Variants in MLH3 observed in about 807,000 individuals in gnomAD.
MLH3 encodes the protein mutL homolog 3.
In MLH3, 82 loss-of-function variants were observed where a neutral mutation model predicts 122.2. The observed-to-expected ratio is 0.67, with a 90% CI of 0.56 to 0.81. MLH3 has a LOEUF of 0.81. Among genes scored for constraint, MLH3 ranks in the 30% least tolerant of loss-of-function variants. The pLI, the probability that MLH3 is intolerant of heterozygous loss-of-function variation, is 0.00. For synonymous variants in MLH3, 524 were observed against 599.5 expected (o/e 0.87, Z 1.84); for missense variants, 1,539 against 1,714.5 (o/e 0.90, Z 1.81).
chr14:75,046,659 G>A lies in MLH3; in HGVS notation c.2997C>T (p.Asp999=), dbSNP rs1364893644. The change falls in exon 2 of 13, where the codon GAC becomes GAT. Residue 999 remains aspartate, a synonymous_variant. Coordinates refer to ENST00000355774, the MANE Select transcript of MLH3 (RefSeq NM_001040108.2). ...GATTCATTAACATTCCACTGGGAGA[G>A]TCAAGACTTCCTATCTGTTGTTCTG... is the stretch of plus-strand genomic sequence containing the variant. ...RASEQQIGSL[D]SPSGMLMNPV... The A allele has an allele frequency of 6.2e-7, 1 of 1,614,210 alleles. No homozygotes were observed. Among genetic ancestry groups the A allele is most frequent in the East Asian group, 2.2e-5 (1 of 44,894 alleles).
intron 2 of MLH3, among the ~76,000 whole-genome samples, chr14:75,045,225 G>C (rs1005673739): frequency 6.6e-6 from 1 of 152,186 alleles, no homozygotes; most frequent in East Asian, 1.9e-4. Flanking sequence ...AGCTACTTGG[G>C]AGGCTGAGGC....
At chr14:75,042,236 C>A (rs1323649619) in intron 3 of MLH3, 143 bp downstream of exon 3, 17 of 753,586 alleles carry the variant, frequency 2.3e-5, no homozygotes, top group Non-Finnish European at 4.0e-5. Flanking sequence ...TAATTAGTTC[C>A]GCTGTTAAAC....
rs770643186 is a variant in MLH3 at position 75,048,607 on chromosome 14, T to G, written c.1049A>C (p.Gln350Pro). ...IQEGVKMFLK[Q>P]EKLFVELSGE... Reference sequence around the variant, plus strand: ...TGATAATTCCACAAATAATTTTTCTTGCTTTAAAAACATTTTCACTCCTTC... The same window carrying G: ...TGATAATTCCACAAATAATTTTTCTGGCTTTAAAAACATTTTCACTCCTTC... Residue 350 changes from glutamine to proline, a missense_variant, in exon 2 of 13, where the codon CAA becomes CCA. Physicochemically the swap from Gln to Pro is moderately conservative, Grantham distance 76 (BLOSUM62 -1). Transcript: ENST00000355774. 2 of 1,614,076 alleles carry G rather than the reference T, an allele frequency of 1.2e-6. No homozygotes were observed. Among genetic ancestry groups the G allele is most frequent in the Admixed American group, 3.3e-5 (2 of 60,010 alleles).
rs1316949352 is a variant in MLH3 at position 75,014,381 on chromosome 14, C to T, written c.*2701G>A. 5.6e-6 allele frequency: 1 copy of T among 177,578 alleles called. No individual in the cohort carries two copies. The highest frequency in any genetic ancestry group is 1.2e-5 in the Non-Finnish European group (1 of 82,664). The allele number at this position is 177,578 out of a possible 1,614,324, so 11.0% of individuals were successfully genotyped here. On this transcript the variant is annotated 3_prime_UTR_variant, in exon 13 of 13. Transcript: ENST00000355774. ...CCCAAGCCCCCTCCCCATTCTCCAG[C>T]TTCATTCTAGCCTACACTTTATGCT...
At chr14:75,030,902 T>G (rs991865441) in intron 8 of MLH3, among the ~76,000 whole-genome samples, 200 bp from the exon 9 acceptor site, 4 of 152,258 alleles carry the variant, frequency 2.6e-5, no homozygotes, top group African/African-American at 9.6e-5. Flanking sequence ...TAACCTTTAT[T>G]GTTTTTCTCT....
chr14:75,032,008 C>T (rs1183975685), intron 8 of MLH3, 60 bp downstream of exon 8: 3 of 1,086,516 alleles, frequency 2.8e-6, no homozygotes, highest in Non-Finnish European at 4.3e-6. Flanking sequence ...ATGCTTATTC[C>T]TCACAGAATT....
At chr14:75,039,869 ATATATATATATATT>A (rs778598096) in intron 5 of MLH3, 28 bp downstream of exon 5, 2 of 418,078 alleles carry the variant, frequency 4.8e-6, no homozygotes, top group Admixed American at 4.1e-5. Flanking sequence ...ATATATATAT[ATATATATATATATT>A]TATGAGATTT....
At position 75,014,176 on chromosome 14, in the gene MLH3, C is replaced by T. The variant is rs1480258411; in HGVS notation, c.*2906G>A. ...GGCGTGGCTTCCTCAGCCCCCTCCA[C>T]ATCTCAAGAACGTGGCCTTGGGCCC... On this transcript the variant is annotated 3_prime_UTR_variant, in exon 13 of 13. Coordinates refer to ENST00000355774, the MANE Select transcript of MLH3 (RefSeq NM_001040108.2). The T allele has an allele frequency of 1.7e-5, 3 of 172,740 alleles. No homozygotes were observed. The highest frequency in any genetic ancestry group is 1.1e-4 in the East Asian group (1 of 9,356). 10.7% of individuals were successfully genotyped at this position (172,740 alleles called of 1,614,324 possible).
rs139032600 is a variant in MLH3 at position 75,022,980 on chromosome 14, A to C, written c.4011+15T>G. The C allele has an allele frequency of 8.4e-5, 136 of 1,614,264 alleles. 1 individual carries two copies. In the African/African-American group the frequency reaches 1.5e-3, roughly 18 times the overall value. On this transcript the variant is annotated intron_variant, in intron 10 of 12. Coordinates refer to ENST00000355774, the MANE Select transcript of MLH3 (RefSeq NM_001040108.2). ...GTGCTTCTGTGTGAAACCCCAAAAT[A>C]AAGGAAAAGCTTACCTCCAGTTGTT...
chr14:75,040,708 G>A (rs928733748), intron 4 of MLH3, among the ~76,000 whole-genome samples: 1 of 152,084 alleles, frequency 6.6e-6, no homozygotes, highest in Non-Finnish European at 1.5e-5. Flanking sequence ...ACTGAGGAGA[G>A]AACATCCATG....
chr14:75,015,748 T>C lies in MLH3; in HGVS notation c.*1334A>G, dbSNP rs1447132332. The stretch of plus-strand genomic sequence containing the variant: ...CCCTTGAAAACAAGTGAAGGTTTTC[T>C]CTGAACCTTCTCTGGGGCAGACGCT... On this transcript the variant is annotated 3_prime_UTR_variant, in exon 13 of 13. Coordinates refer to ENST00000355774, the MANE Select transcript of MLH3 (RefSeq NM_001040108.2). The C allele has an allele frequency of 4.5e-6, 1 of 223,168 alleles. No individual in the cohort carries two copies. Among genetic ancestry groups the C allele is most frequent in the Non-Finnish European group, 9.0e-6 (1 of 111,704 alleles). The allele number at this position is 223,168 out of a possible 1,614,324, so 13.8% of individuals were successfully genotyped here.
intron 5 of MLH3, 62 bp from the exon 6 acceptor site, chr14:75,038,474 T>A (rs1157192359): frequency 9.6e-7 from 1 of 1,045,822 alleles, no homozygotes; most frequent in Non-Finnish European, 1.5e-6. Context: ...CTTATTTGCA[T>A]AGAAAGATAC....
chr14:75,031,810 T>C (rs1891068083), intron 8 of MLH3, among the ~76,000 whole-genome samples: 1 of 152,144 alleles, frequency 6.6e-6, no homozygotes, highest in Non-Finnish European at 1.5e-5. Flanking sequence ...TGAGACCATG[T>C]CTCACAAAAT....
chr14:75,021,754 G>A (rs571579359), intron 11 of MLH3, among the ~76,000 whole-genome samples: 2 of 152,318 alleles, frequency 1.3e-5, no homozygotes, highest in East Asian at 3.9e-4. Flanking sequence ...TTCAGCCACT[G>A]TGGAAAACAG....
In MLH3 at chr14:75,018,895, C is replaced by G. The variant is rs774372641; in HGVS notation, c.4176G>C (p.Gln1392His). ...GCATAGAAGGTCTCCCGTGAGCACACTGGAATGGCAGCTGGCATGAGGACA... is the reference window on the plus strand; with the variant it reads ...GCATAGAAGGTCTCCCGTGAGCACAGTGGAATGGCAGCTGGCATGAGGACA... ...EALSSCQLPF[Q>H]CAHGRPSMLP... Residue 1392 changes from glutamine to histidine, a missense_variant, in exon 12 of 13, where the codon CAG (glutamine) becomes CAC (histidine). Coordinates refer to ENST00000355774, the MANE Select transcript of MLH3 (RefSeq NM_001040108.2). The G allele has an allele frequency of 3.7e-6, 6 of 1,614,140 alleles. No individual in the cohort carries two copies. The highest frequency in any genetic ancestry group is 5.1e-6 in the Non-Finnish European group (6 of 1,180,036).
intron 12 of MLH3, among the ~76,000 whole-genome samples, chr14:75,018,340 A>G (rs750940468): frequency 2.6e-5 from 4 of 152,120 alleles, no homozygotes; most frequent in African/African-American, 4.8e-5. Context: ...TAATGTAGAG[A>G]TCCCCAAGCT....
At chr14:75,026,833 TCACACCTGTAATCCCAG>T (rs1419007899) in intron 9 of MLH3, among the ~76,000 whole-genome samples, 4 of 152,130 alleles carry the variant, frequency 2.6e-5, no homozygotes, top group Admixed American at 1.3e-4. Flanking sequence ...GTGCAGTGGC[TCACACCTGTAATCCCAG>T]CACTTTGGGA....
intron 6 of MLH3, chr14:75,036,880 A>G (rs1891451330): frequency 2.4e-6 from 1 of 411,812 alleles, no homozygotes; most frequent in Non-Finnish European, 4.9e-6. Context: ...GGTCCCATCT[A>G]ACCATGTCTC....
rs1889910150 is a variant in MLH3 at position 75,016,762 on chromosome 14, A to G, written c.*320T>C. 1 of 358,484 alleles carries G rather than the reference A, an allele frequency of 2.8e-6. No individual in the cohort carries two copies. Among genetic ancestry groups the G allele is most frequent in the African/African-American group, 2.1e-5 (1 of 48,332 alleles). The allele number at this position is 358,484 out of a possible 1,614,324, so 22.2% of individuals were successfully genotyped here. A position where few individuals can be genotyped will look rare whatever the true frequency, so the allele number is the denominator to read the frequency against. ...ACAAAAACAAAAATCACACCCTTCA[A>G]ATAACAAACCAAGCAACCAATCAAA... On this transcript the variant is annotated 3_prime_UTR_variant, in exon 13 of 13. Coordinates refer to ENST00000355774, the MANE Select transcript of MLH3 (RefSeq NM_001040108.2).
Sources: gnomAD v4.1 joint callset for allele counts (sites outside exome capture counted in the v4.1 genomes callset) on GRCh38, gnomAD v4.1.1 for gene constraint, MANE v1.5 for transcripts, NCBI Gene and HGNC (gene_info 2026-07-23, HGNC 2026-07-21) for gene names.